EIF4G3: variants seen among roughly 807,000 people sequenced by gnomAD.
The protein encoded by EIF4G3 is eukaryotic translation initiation factor 4 gamma 3.
A neutral mutation model predicts 186.4 loss-of-function variants in EIF4G3; 34 were observed. The observed-to-expected ratio is 0.18, with a 90% CI of 0.14 to 0.24. EIF4G3 has a LOEUF of 0.24. Among genes scored for constraint, EIF4G3 ranks in the 10% least tolerant of loss-of-function variants. The probability of loss-of-function intolerance (pLI) is 1.00; values close to 1 mark genes in which losing one functional copy is unlikely to be tolerated. For missense variants in EIF4G3, 1,536 were observed against 1,948.5 expected (o/e 0.79, Z 3.99); for synonymous variants, 673 against 679.5 (o/e 0.99, Z 0.15).
At chr1:21,018,486 G>A (rs763279332) in intron 4 of EIF4G3, among the ~76,000 whole-genome samples, 10 of 151,918 alleles carry the variant, frequency 6.6e-5, no homozygotes, top group Admixed American at 1.3e-4. Flanking sequence ...CTTGAACCCA[G>A]GAGGTGGAGG....
chr1:21,102,149 T>G (rs2096539926), intron 2 of EIF4G3, among the ~76,000 whole-genome samples: 1 of 152,100 alleles, frequency 6.6e-6, no homozygotes, highest in African/African-American at 2.4e-5. Context: ...GGAAATAGTT[T>G]TAAAAATGGA....
chr1:20,939,694 ATT>A (rs1233979939), intron 14 of EIF4G3, among the ~76,000 whole-genome samples: 1 of 152,130 alleles, frequency 6.6e-6, no homozygotes, highest in Non-Finnish European at 1.5e-5. Context: ...TTTTAAAAAC[ATT>A]TTTGTTCATT....
At chr1:20,913,370 A>G (rs2093473420) in intron 14 of EIF4G3, among the ~76,000 whole-genome samples, 2 of 152,130 alleles carry the variant, frequency 1.3e-5, no homozygotes, top group Admixed American at 1.3e-4. Flanking sequence ...CACCATCTCT[A>G]CAAAAAAAAT....
intron 4 of EIF4G3, among the ~76,000 whole-genome samples, chr1:21,046,271 TAA>T (rs2154575923): frequency 6.6e-6 from 1 of 152,358 alleles, no homozygotes; most frequent in South Asian, 2.1e-4. Context: ...TGTCATAGTC[TAA>T]AGTCTTTGAC....
chr1:20,977,213 G>GTCTC (rs2077036920), intron 10 of EIF4G3, among the ~76,000 whole-genome samples: 1 of 150,882 alleles, frequency 6.6e-6, no homozygotes, highest in Admixed American at 6.6e-5. Context: ...TTTAGATGGA[G>GTCTC]TCTCGCTCTG....
chr1:20,858,165 C>A (rs760595622), intron 24 of EIF4G3, among the ~76,000 whole-genome samples: 1 of 152,184 alleles, frequency 6.6e-6, no homozygotes, highest in African/African-American at 2.4e-5. Flanking sequence ...TAGTAAAGTA[C>A]AAAATTCGTC....
intron 13 of EIF4G3, among the ~76,000 whole-genome samples, chr1:20,943,895 C>T (rs562457354): frequency 6.6e-6 from 1 of 151,564 alleles, no homozygotes; most frequent in East Asian, 1.9e-4. Context: ...AATCAATAGG[C>T]TCTCATTGCC....
chr1:20,936,003 G>A (rs1490139111), intron 14 of EIF4G3, among the ~76,000 whole-genome samples: 1 of 152,180 alleles, frequency 6.6e-6, no homozygotes, highest in Non-Finnish European at 1.5e-5. Flanking sequence ...AATACCCAAT[G>A]ACTGAGACTT....
intron 20 of EIF4G3, among the ~76,000 whole-genome samples, chr1:20,873,819 G>A (rs1450346596): frequency 2.7e-5 from 4 of 149,758 alleles, no homozygotes; most frequent in Non-Finnish European, 5.9e-5. Flanking sequence ...CTACTGACCT[G>A]TCCTTTAAGT....
At chr1:21,119,479 C>A (rs2096888981) in intron 2 of EIF4G3, among the ~76,000 whole-genome samples, 1 of 152,022 alleles carries the variant, frequency 6.6e-6, no homozygotes, top group Admixed American at 6.5e-5. Context: ...AATATAGCCC[C>A]AAAGGGCCAC....
rs150566651 is a variant in EIF4G3, at chr1:20,908,720, C to A, written c.1664-3749G>T. Among the ~76,000 whole-genome samples the A allele has an allele frequency of 5.5e-3, 838 of 152,246 alleles. 4 individuals are homozygous for A. Among genetic ancestry groups the A allele is most frequent in the Non-Finnish European group, 7.9e-3 (534 of 68,010 alleles). On this transcript the variant is annotated intron_variant, in intron 14 of 36. Coordinates refer to ENST00000602326, the MANE Select transcript of EIF4G3 (RefSeq NM_001391906.1). The stretch of plus-strand genomic sequence containing the variant: ...CTGCAAATTAAGACCTAACAACTAT[C>A]CCTATACAACCTAAGAGATAAACAC...
rs144929475 is a variant in EIF4G3, at chr1:20,990,564, C to T, written c.177+7037G>A. Among the ~76,000 whole-genome samples the T allele has an allele frequency of 3.6e-3, 543 of 152,138 alleles. 1 individual carries two copies. The highest frequency in any genetic ancestry group is 6.5e-3 in the Admixed American group (100 of 15,278). ...GCACATGCCTGTAATCTCAGCTACTCGGGAGGCTGAGGCAGAATTGCTTGA... is the reference window on the plus strand; with the variant it reads ...GCACATGCCTGTAATCTCAGCTACTTGGGAGGCTGAGGCAGAATTGCTTGA... On this transcript the variant is annotated intron_variant, in intron 7 of 36. Transcript: ENST00000602326.
chr1:21,172,581 C>T (rs992705354), intron 2 of EIF4G3, among the ~76,000 whole-genome samples: 14 of 152,178 alleles, frequency 9.2e-5, no homozygotes, highest in African/African-American at 2.4e-4. Flanking sequence ...GATGGAGTCT[C>T]GCTGTCACCC....
chr1:20,997,547 T>C, intron 7 of EIF4G3, 54 bp downstream of exon 7: 1 of 1,517,574 alleles, frequency 6.6e-7, no homozygotes, highest in Non-Finnish European at 9.0e-7. Context: ...CAGCAGCTAC[T>C]AAAGCCCCCA....
chr1:21,101,774 T>C lies in EIF4G3; in HGVS notation c.-271-12561A>G, dbSNP rs974270433. The stretch of plus-strand genomic sequence containing the variant: ...TGTTATTATTATATTTATTACATCA[T>C]TATATTGTCCAAGAACGTATCATAA... On this transcript the variant is annotated intron_variant, in intron 2 of 36. Coordinates refer to ENST00000602326, the MANE Select transcript of EIF4G3 (RefSeq NM_001391906.1). Among the ~76,000 whole-genome samples, 3 of 152,062 alleles carry C rather than the reference T, an allele frequency of 2.0e-5. No homozygotes were observed. The East Asian group carries it at 5.8e-4, about 29-fold the overall frequency.
At position 20,864,457 on chromosome 1, in the gene EIF4G3, T is replaced by C; in HGVS notation, c.3006+19A>G. 6.3e-7 allele frequency: 1 copy of C among 1,599,694 alleles called. No individual in the cohort carries two copies. Among genetic ancestry groups the C allele is most frequent in the Non-Finnish European group, 8.6e-7 (1 of 1,168,434 alleles). ...GACAAGGAGCCTTTGCGAAGGTTTC[T>C]GAGCTTTTGGATTTTTACCTTTGCT... On this transcript the variant is annotated intron_variant, in intron 22 of 36. Transcript: ENST00000602326.
rs183703261 is a variant in EIF4G3 at position 20,831,179 on chromosome 1, C to A, written c.4062-1907G>T. On this transcript the variant is annotated intron_variant, in intron 30 of 36. Transcript: ENST00000602326. ...AGATGAGACTGCAGATATCCCTCCG[C>A]CCATTTCAACTACAAAAGCTCCACT... Among the ~76,000 whole-genome samples the A allele has an allele frequency of 5.8e-4, 89 of 152,186 alleles. 1 individual carries two copies. The highest frequency in any genetic ancestry group is 2.1e-3 in the African/African-American group (89 of 41,510).
At chr1:20,839,756 TG>T (rs1181284381) in intron 30 of EIF4G3, among the ~76,000 whole-genome samples, 1 of 152,138 alleles carries the variant, frequency 6.6e-6, no homozygotes, top group African/African-American at 2.4e-5. Flanking sequence ...CCCAAAGTGC[TG>T]GGATTACAGG....
chr1:21,091,933 T>G (rs1425461218), intron 2 of EIF4G3, among the ~76,000 whole-genome samples: 1 of 152,228 alleles, frequency 6.6e-6, no homozygotes, highest in Non-Finnish European at 1.5e-5. Flanking sequence ...TCACGTCATC[T>G]GCAAACAGGG....
Sources: gnomAD v4.1 joint callset for allele counts (sites outside exome capture counted in the v4.1 genomes callset) on GRCh38, gnomAD v4.1.1 for gene constraint, MANE v1.5 for transcripts, NCBI Gene and HGNC (gene_info 2026-07-23, HGNC 2026-07-21) for gene names.